Variants in SUGCT observed in about 807,000 individuals in gnomAD.
The protein encoded by SUGCT is succinyl-CoA:glutarate CoA-transferase.
SUGCT carries 41 observed loss-of-function variants against 55.0 expected under a neutral mutation model. The ratio of observed to expected loss-of-function variants is 0.74; its 90% confidence interval spans 0.58 to 0.97. The LOEUF (loss-of-function observed/expected upper bound fraction) is 0.97, where lower values mean the gene tolerates loss of function less well. Among genes scored for constraint, SUGCT ranks in the 50% least tolerant of loss-of-function variants. The pLI is 0.00. For synonymous variants in SUGCT, 187 were observed against 200.4 expected, an observed-to-expected ratio of 0.93 and a Z score of 0.56; for missense variants, 568 against 547.8, an observed-to-expected ratio of 1.04 and a Z score of -0.37.
chr7:40,452,278 G>A (rs189358167), intron 10 of SUGCT, among the ~76,000 whole-genome samples: 1 of 152,322 alleles, frequency 6.6e-6, no homozygotes, highest in East Asian at 1.9e-4. Context: ...GCATATGTAA[G>A]CTATTTTAAG....
chr7:40,847,411 C>CTTTTTTTTTTTTTT (rs981613426), intron 13 of SUGCT, among the ~76,000 whole-genome samples: 18 of 75,392 alleles, frequency 2.4e-4, no homozygotes, highest in South Asian at 5.9e-4. Flanking sequence ...TTCTTTCTTT[C>CTTTTTTTTTTTTTT]TTTTTTTTTT....
In SUGCT at chr7:40,836,428, G is replaced by A. The variant is rs116639385; in HGVS notation, c.1154-23888G>A. 6.4e-3 allele frequency among the ~76,000 whole-genome samples: 981 copies of A among 152,286 alleles called. 14 individuals carry two copies. The highest frequency in any genetic ancestry group is 0.022 in the African/African-American group (926 of 41,562). Reference sequence around the variant, plus strand: ...ACAGGAAACTGTCAGTGATACAGTTGACTGACCATATGCAGATTTTACCAG... The same window carrying A: ...ACAGGAAACTGTCAGTGATACAGTTAACTGACCATATGCAGATTTTACCAG... On this transcript the variant is annotated intron_variant, in intron 13 of 13. Transcript: ENST00000335693.
intron 12 of SUGCT, among the ~76,000 whole-genome samples, chr7:40,740,403 TTTTA>T (rs1200277968): frequency 4.6e-5 from 7 of 151,176 alleles, no homozygotes; most frequent in Non-Finnish European, 7.4e-5. Flanking sequence ...TTTATTTTTA[TTTTA>T]TTTATTTTTC....
intron 13 of SUGCT, among the ~76,000 whole-genome samples, chr7:40,767,378 T>A (rs1366762705): frequency 6.6e-6 from 1 of 152,178 alleles, no homozygotes; most frequent in Non-Finnish European, 1.5e-5. Context: ...AGCCCTAACA[T>A]TCCCAAACCT....
chr7:40,465,407 C>T (rs182224647), intron 11 of SUGCT, among the ~76,000 whole-genome samples: 21 of 151,998 alleles, frequency 1.4e-4, no homozygotes, highest in African/African-American at 4.6e-4. Context: ...GTCAGGAGTT[C>T]GAGACCAGCC....
intron 13 of SUGCT, among the ~76,000 whole-genome samples, chr7:40,776,916 AT>A (rs67368543): frequency 0.058 from 8,796 of 152,308 alleles, 370 homozygotes; most frequent in Middle Eastern, 0.13. Flanking sequence ...TTTGCCATCT[AT>A]AGAACAATGC....
chr7:40,620,187 A>G (rs145312971), intron 12 of SUGCT, among the ~76,000 whole-genome samples: 1 of 152,240 alleles, frequency 6.6e-6, no homozygotes, highest in African/African-American at 2.4e-5. Context: ...TGTTGGGGGT[A>G]TTTACACCTT....
chr7:40,269,828 C>T (rs533808223), intron 7 of SUGCT, among the ~76,000 whole-genome samples: 2 of 151,918 alleles, frequency 1.3e-5, no homozygotes, highest in South Asian at 2.1e-4. Context: ...GTTATTTTTG[C>T]GTTGTAAGTG....
chr7:40,626,765 T>C (rs1356906242), intron 12 of SUGCT, among the ~76,000 whole-genome samples: 1 of 152,130 alleles, frequency 6.6e-6, no homozygotes, highest in Non-Finnish European at 1.5e-5. Context: ...CTATGCCAAG[T>C]TGCTTATCTT....
chr7:40,371,774 T>C (rs967359679), intron 9 of SUGCT, among the ~76,000 whole-genome samples: 2 of 152,104 alleles, frequency 1.3e-5, no homozygotes. Flanking sequence ...TGTTCTGATC[T>C]TCGAAAAGAT....
chr7:40,844,379 G>A (rs1329811361), intron 13 of SUGCT, among the ~76,000 whole-genome samples: 1 of 152,086 alleles, frequency 6.6e-6, no homozygotes, highest in Non-Finnish European at 1.5e-5. Context: ...ATTTAGAGGT[G>A]GAAGTGGCTC....
At chr7:40,532,206 A>G (rs1042494686) in intron 12 of SUGCT, among the ~76,000 whole-genome samples, 5 of 152,190 alleles carry the variant, frequency 3.3e-5, no homozygotes, top group African/African-American at 1.2e-4. Flanking sequence ...GAATGATTTG[A>G]TGTCTTAGAG....
intron 9 of SUGCT, among the ~76,000 whole-genome samples, chr7:40,367,028 A>G (rs1285956344): frequency 6.6e-5 from 10 of 152,216 alleles, no homozygotes; most frequent in African/African-American, 1.7e-4. Flanking sequence ...ATGTCCAACA[A>G]TGATAGACTG....
intron 9 of SUGCT, among the ~76,000 whole-genome samples, chr7:40,412,123 A>T (rs1162112358): frequency 6.6e-6 from 1 of 152,158 alleles, no homozygotes; most frequent in Non-Finnish European, 1.5e-5. Context: ...GGTGGAAGTC[A>T]GAGGCTGCCA....
At chr7:40,804,776 A>G (rs1039281964) in intron 13 of SUGCT, among the ~76,000 whole-genome samples, 1 of 152,210 alleles carries the variant, frequency 6.6e-6, no homozygotes, top group East Asian at 1.9e-4. Context: ...TGCCATTGCC[A>G]TTAAAATGCA....
chr7:41,031,910 A>G, the SUGCT span, among the ~76,000 whole-genome samples: 2 of 152,078 alleles, frequency 1.3e-5, no homozygotes, highest in African/African-American at 4.8e-5. Context: ...CTCTACTAGA[A>G]TGCAAGCTCA....
intron 6 of SUGCT, among the ~76,000 whole-genome samples, chr7:40,205,715 G>T (rs984795920): frequency 6.6e-6 from 1 of 151,420 alleles, no homozygotes; most frequent in Admixed American, 6.6e-5. Context: ...TGTAATTAGG[G>T]ATATGCAAGT....
At chr7:40,743,961 G>T (rs574950639) in intron 12 of SUGCT, among the ~76,000 whole-genome samples, 43 of 151,800 alleles carry the variant, frequency 2.8e-4, no homozygotes, top group African/African-American at 9.9e-4. Flanking sequence ...TTGCTCTGTC[G>T]CCCAGGCTGG....
At chr7:40,685,792 C>G (rs764416996) in intron 12 of SUGCT, among the ~76,000 whole-genome samples, 1 of 152,138 alleles carries the variant, frequency 6.6e-6, no homozygotes, top group Non-Finnish European at 1.5e-5. Context: ...AATCTCAGCA[C>G]TTTGTGCAAC....
Sources: allele counts gnomAD v4.1 joint callset (sites outside exome capture counted in the v4.1 genomes callset), GRCh38; gene constraint gnomAD v4.1.1; transcripts MANE v1.5; gene names NCBI Gene and HGNC (gene_info 2026-07-23, HGNC 2026-07-21).